The following AFAP1 variants were observed in gnomAD, a reference collection of about 807,000 sequenced individuals.
AFAP1 encodes the protein actin filament associated protein 1, also known as actin filament-associated protein 1.
A neutral mutation model predicts 93.9 loss-of-function variants in AFAP1; 75 were observed. The observed-to-expected ratio is 0.80, with a 90% CI of 0.66 to 0.97. The LOEUF is 0.97. AFAP1 is among the 50% of genes least tolerant of loss of function. AFAP1 has a pLI of 0.00. For synonymous variants in AFAP1, 517 were observed against 430.7 expected (o/e 1.20, Z -2.48); for missense variants, 1,201 against 1,050.8 (o/e 1.14, Z -1.98).
intron 1 of AFAP1, among the ~76,000 whole-genome samples, chr4:7,906,959 G>A (rs1719440191): frequency 1.4e-5 from 2 of 147,208 alleles, no homozygotes; most frequent in South Asian, 2.1e-4. Context: ...CTGAGGTCGC[G>A]CCACTGCACT....
At chr4:7,836,763 T>C (rs1234081501) in intron 6 of AFAP1, among the ~76,000 whole-genome samples, 1 of 152,096 alleles carries the variant, frequency 6.6e-6, no homozygotes, top group Non-Finnish European at 1.5e-5. Flanking sequence ...AGTGTTCTTT[T>C]TGGAGCGACG....
intron 1 of AFAP1, among the ~76,000 whole-genome samples, chr4:7,916,533 C>T (rs542853404): frequency 1.3e-5 from 2 of 152,138 alleles, no homozygotes; most frequent in African/African-American, 4.8e-5. Flanking sequence ...CCCAGCGAAA[C>T]CAGCATCAAG....
At chr4:7,765,176 C>G (rs1342449194) in intron 17 of AFAP1, among the ~76,000 whole-genome samples, 2 of 152,072 alleles carry the variant, frequency 1.3e-5, no homozygotes, top group African/African-American at 4.8e-5. Context: ...GAAGCTGGGC[C>G]CCAAAACCAC....
chr4:7,896,378 A>G (rs1718767800), intron 1 of AFAP1, among the ~76,000 whole-genome samples: 1 of 152,066 alleles, frequency 6.6e-6, no homozygotes, highest in Non-Finnish European at 1.5e-5. Flanking sequence ...CCTAAAATAA[A>G]GCAAGCACCT....
At position 7,843,271 on chromosome 4, in the gene AFAP1, C is replaced by G; in HGVS notation, c.414G>C (p.Arg138=). Residue 138 remains arginine, a synonymous_variant, in exon 5 of 18, where the codon CGG becomes CGC. Transcript: ENST00000420658. ...EEEDGKGKKT[R]HQWPSEEASM... is the part of the protein sequence containing the mutation. ...AGGCCTCCTCGGAGGGCCACTGGTG[C>G]CGGGTTTTCTTCCCCTTCCCATCCT... 2 of 1,614,156 alleles carry G rather than the reference C, an allele frequency of 1.2e-6. No homozygotes were observed. The highest frequency in any genetic ancestry group is 1.7e-6 in the Non-Finnish European group (2 of 1,180,032).
At chr4:7,933,799 A>G (rs1721233803) in intron 1 of AFAP1, among the ~76,000 whole-genome samples, 1 of 152,194 alleles carries the variant, frequency 6.6e-6, no homozygotes, top group South Asian at 2.1e-4. Context: ...TATTTGGCCA[A>G]AAGTGCTTGG....
chr4:7,898,755 C>A (rs755062157), intron 1 of AFAP1, among the ~76,000 whole-genome samples: 2 of 150,502 alleles, frequency 1.3e-5, no homozygotes, highest in African/African-American at 4.9e-5. Context: ...TATTTTTTCA[C>A]GAACACTAAA....
At chr4:7,843,452 G>C in intron 4 of AFAP1, 102 bp from the exon 5 acceptor site, 1 of 1,063,988 alleles carries the variant, frequency 9.4e-7, no homozygotes, top group Non-Finnish European at 1.3e-6. Context: ...CCAAGTAACT[G>C]AATGAGAAAG....
chr4:7,939,562 C>T lies in AFAP1; in HGVS notation c.-3+94G>A, dbSNP rs1467005035. On this transcript the variant is annotated intron_variant, in intron 1 of 17. Transcript: ENST00000420658. The surrounding 1 kb of genome is among the most constrained non-coding windows in gnomAD (Gnocchi z 5.6). ...CGAGACAAAGCCCAGGCGCACGGAC[C>T]CCGGACCCTGCGGAGCCCCGCTCGG... 1 of 386,296 alleles carries T rather than the reference C, an allele frequency of 2.6e-6. No homozygotes were observed. Among genetic ancestry groups the T allele is most frequent in the Non-Finnish European group, 5.1e-6 (1 of 197,796 alleles). The allele number at this position is 386,296 out of a possible 1,614,324, so 23.9% of individuals were successfully genotyped here. A position where few individuals can be genotyped will look rare whatever the true frequency, so the allele number is the denominator to read the frequency against.
At chr4:7,884,845 T>A (rs1282182839) in intron 1 of AFAP1, among the ~76,000 whole-genome samples, 2 of 152,160 alleles carry the variant, frequency 1.3e-5, no homozygotes, top group African/African-American at 4.8e-5. Context: ...ACAAAAAGTA[T>A]GAGCTCCTGG....
chr4:7,777,481 T>A (rs1716262526), intron 14 of AFAP1: 1 of 152,174 alleles, frequency 6.6e-6, no homozygotes, highest in Non-Finnish European at 1.5e-5. Flanking sequence ...GCCTCTTCAT[T>A]CCCCTGTGTG....
Position 7,809,826 on chromosome 4 carries a change from AC to A in AFAP1, c.905-64del, listed in dbSNP as rs547312102. ...TTGTAGATATTAATTGAAAAAAAAA[AC>A]ATACATCAAAACCCATTTCTTCTTT... On this transcript the variant is annotated intron_variant, in intron 8 of 17. Transcript: ENST00000420658. The A allele has an allele frequency of 3.3e-4, 505 of 1,549,006 alleles. No individual in the cohort carries two copies. In the African/African-American group the frequency reaches 4.9e-3, roughly 15 times the overall value.
At chr4:7,926,758 A>T (rs1213433449) in intron 1 of AFAP1, among the ~76,000 whole-genome samples, 1 of 152,006 alleles carries the variant, frequency 6.6e-6, no homozygotes, top group African/African-American at 2.4e-5. Context: ...ATTTTTTGAT[A>T]CGGAGTCTCC....
chr4:7,911,315 G>A (rs1719712244), intron 1 of AFAP1, among the ~76,000 whole-genome samples: 1 of 152,156 alleles, frequency 6.6e-6, no homozygotes, highest in African/African-American at 2.4e-5. Context: ...AGGGGGGAAG[G>A]GTCCTCTTGG....
chr4:7,932,312 T>C (rs1721115319), intron 1 of AFAP1, among the ~76,000 whole-genome samples: 1 of 152,194 alleles, frequency 6.6e-6, no homozygotes, highest in Admixed American at 6.5e-5. Flanking sequence ...CATCAGTTGT[T>C]TTCTTGACCA....
At chr4:7,842,933 C>A in intron 5 of AFAP1, 1 of 552,804 alleles carries the variant, frequency 1.8e-6, no homozygotes, top group Non-Finnish European at 3.2e-6. Flanking sequence ...GGGAAACCGG[C>A]AACCTTGAAC....
Position 7,939,623 on chromosome 4 carries a change from C to A in AFAP1, c.-3+33G>T. ...CCCGGGGCAGAGACCCCCGCCGGGT[C>A]CGGAGACCCTGCCGCCAGTCGCGCC... On this transcript the variant is annotated intron_variant, in intron 1 of 17. Coordinates refer to ENST00000420658, the MANE Select transcript of AFAP1 (RefSeq NM_001134647.2). The surrounding 1 kb of genome is among the most constrained non-coding windows in gnomAD (Gnocchi z 5.6). 1 of 414,724 alleles carries A rather than the reference C, an allele frequency of 2.4e-6. No homozygotes were observed. The highest frequency in any genetic ancestry group is 1.7e-5 in the South Asian group (1 of 60,512). The allele number at this position is 414,724 out of a possible 1,614,324, so 25.7% of individuals were successfully genotyped here.
At position 7,768,896 on chromosome 4, in the gene AFAP1, T is replaced by C; in HGVS notation, c.2366A>G (p.Gln789Arg). Residue 789 changes from glutamine (Q) to arginine (R), a missense_variant, in exon 17 of 18, where the codon CAG (glutamine) becomes CGG (arginine). Coordinates refer to ENST00000420658, the MANE Select transcript of AFAP1 (RefSeq NM_001134647.2). The stretch of plus-strand genomic sequence containing the variant: ...GCAGGGGGAGCTGCCCGGGGCAGCC[T>C]GGCTCTTCTTCAAGACGGCCGCGCT... ...VNSAAVLKKSQAAPGSSPCRG... is the reference protein window; with the variant it reads ...VNSAAVLKKSRAAPGSSPCRG... 1.2e-6 allele frequency: 2 copies of C among 1,612,270 alleles called. No individual in the cohort carries two copies. Among genetic ancestry groups the C allele is most frequent in the Non-Finnish European group, 1.7e-6 (2 of 1,178,734 alleles).
In AFAP1 at chr4:7,817,719, A is replaced by C. The variant is rs531620878; in HGVS notation, c.822+1357T>G. 1.2e-3 allele frequency among the ~76,000 whole-genome samples: 176 copies of C among 152,244 alleles called. 1 individual carries two copies. Among genetic ancestry groups the C allele is most frequent in the Non-Finnish European group, 1.5e-3 (104 of 68,016 alleles). ...AAAATGTAAAAATGTTTGTGGCTTA[A>C]GAGTTGTTAAAAACCTGGAAATTTG... On this transcript the variant is annotated intron_variant, in intron 7 of 17. Transcript: ENST00000420658.
Sources: allele counts gnomAD v4.1 joint callset (sites outside exome capture counted in the v4.1 genomes callset), GRCh38; gene constraint gnomAD v4.1.1; non-coding constraint Gnocchi (gnomAD v3.1); transcripts MANE v1.5; gene names NCBI Gene and HGNC (gene_info 2026-07-23, HGNC 2026-07-21).